Variants in VPS13B observed in about 807,000 individuals in gnomAD.
VPS13B encodes the protein vacuolar protein sorting 13 homolog B.
Under a neutral mutation model 426.4 loss-of-function variants are expected in VPS13B, and 285 were observed. That is an observed-to-expected ratio of 0.67 (90% confidence interval 0.61 to 0.74). The LOEUF is 0.74. VPS13B is among the 30% of genes least tolerant of loss of function. The probability of loss-of-function intolerance (pLI) is 0.00; values close to 1 mark genes in which losing one functional copy is unlikely to be tolerated. For missense variants in VPS13B, 4,537 were observed against 4,782.6 expected, an observed-to-expected ratio of 0.95 and a Z score of 1.51; for synonymous variants, 1,676 against 1,676.4, an observed-to-expected ratio of 1.00 and a Z score of 0.01.
In VPS13B at chr8:99,474,748, T is replaced by G. The variant is rs143228990; in HGVS notation, c.3667-6851T>G. ...ACTCATCATACACCGCTTGTGAGAA[T>G]GTAAAAATGATGTAACAACATTGGA... On this transcript the variant is annotated intron_variant, in intron 24 of 61. Coordinates refer to ENST00000357162, the MANE Select transcript of VPS13B (RefSeq NM_152564.5). 5.2e-4 allele frequency among the ~76,000 whole-genome samples: 79 copies of G among 152,270 alleles called. No homozygotes were observed. In the East Asian group the frequency reaches 0.013, roughly 25 times the overall value.
chr8:99,832,341 AT>A (rs370235149), intron 51 of VPS13B, 27 bp from the exon 52 acceptor site: 199,732 of 1,158,370 alleles, frequency 0.17, 3 homozygotes, highest in Non-Finnish European at 0.18. Flanking sequence ...TGCTCTCTGC[AT>A]TTTTTTTTTT....
At chr8:99,809,133 A>G (rs1314448143) in intron 43 of VPS13B, among the ~76,000 whole-genome samples, 1 of 152,198 alleles carries the variant, frequency 6.6e-6, no homozygotes, top group Admixed American at 6.5e-5. Flanking sequence ...ACCATTTGAT[A>G]GGAAAATTAT....
chr8:99,199,770 G>A (rs1351384382), intron 17 of VPS13B, among the ~76,000 whole-genome samples: 2 of 151,670 alleles, frequency 1.3e-5, no homozygotes, highest in Admixed American at 6.6e-5. Flanking sequence ...GAAAAATTAC[G>A]TTCTCTTACA....
intron 4 of VPS13B, among the ~76,000 whole-genome samples, chr8:99,098,431 A>G (rs944977320): frequency 9.9e-5 from 15 of 152,144 alleles, no homozygotes; most frequent in African/African-American, 3.4e-4. Flanking sequence ...ACATGTTTCC[A>G]GGCCATTCAC....
At chr8:99,192,855 T>A (rs772382500) in intron 16 of VPS13B, 21 bp from the exon 17 acceptor site, 1 of 1,611,676 alleles carries the variant, frequency 6.2e-7, no homozygotes, top group Non-Finnish European at 8.5e-7. Context: ...GTATTGCGAT[T>A]CTTTCTGTTT....
At chr8:99,233,886 C>T in intron 17 of VPS13B, 1 of 781,664 alleles carries the variant, frequency 1.3e-6, no homozygotes, top group Non-Finnish European at 2.4e-6. Context: ...GTGTGGCATG[C>T]TTCAGAAGTC....
At chr8:99,466,300 G>C (rs540571578) in intron 23 of VPS13B, among the ~76,000 whole-genome samples, 3 of 152,146 alleles carry the variant, frequency 2.0e-5, no homozygotes, top group African/African-American at 7.2e-5. Context: ...TTTATCTGCA[G>C]TATGGCATCT....
chr8:99,849,118 AACAAACTGATTT>A (rs1481272843), intron 55 of VPS13B, among the ~76,000 whole-genome samples: 2 of 152,244 alleles, frequency 1.3e-5, no homozygotes, highest in Non-Finnish European at 2.9e-5. Context: ...TGGTAGGGTT[AACAAACTGATTT>A]ACAAACTATG....
At chr8:99,635,805 T>C (rs1209079553) in intron 33 of VPS13B, among the ~76,000 whole-genome samples, 1 of 152,020 alleles carries the variant, frequency 6.6e-6, no homozygotes, top group Non-Finnish European at 1.5e-5. Flanking sequence ...ATCTAATTAA[T>C]ATAACCCAAA....
At chr8:99,858,552 G>C (rs1267328376) in intron 56 of VPS13B, among the ~76,000 whole-genome samples, 2 of 152,178 alleles carry the variant, frequency 1.3e-5, no homozygotes, top group Non-Finnish European at 2.9e-5. Context: ...AGGCGTGGTG[G>C]CATGTGCCTG....
chr8:99,203,782 C>A (rs1184341527), intron 17 of VPS13B, among the ~76,000 whole-genome samples: 1 of 152,102 alleles, frequency 6.6e-6, no homozygotes, highest in African/African-American at 2.4e-5. Flanking sequence ...GAATAAAATA[C>A]CTAGGAATCC....
Position 99,877,206 on chromosome 8 carries a change from T to C in VPS13B, c.*1540T>C, listed in dbSNP as rs148026916. ...ACATGTTGGGCATAAGAAGTCACTA[T>C]ATAATTGTTACTGGAAAGCAAGACT... On this transcript the variant is annotated 3_prime_UTR_variant, in exon 62 of 62. Transcript: ENST00000357162. 1.6e-4 allele frequency: 24 copies of C among 152,550 alleles called. No individual in the cohort carries two copies. The East Asian group carries it at 4.6e-3, about 29-fold the overall frequency. The allele number at this position is 152,550 out of a possible 1,614,324, so 9.4% of individuals were successfully genotyped here. A position where few individuals can be genotyped will look rare whatever the true frequency, so the allele number is the denominator to read the frequency against.
intron 21 of VPS13B, among the ~76,000 whole-genome samples, chr8:99,394,978 A>G (rs1814649092): frequency 6.6e-6 from 1 of 152,240 alleles, no homozygotes; most frequent in African/African-American, 2.4e-5. Context: ...TTCCTGCTGT[A>G]AACAACTAAC....
At chr8:99,020,344 G>C (rs1663615083) in intron 2 of VPS13B, among the ~76,000 whole-genome samples, 1 of 152,024 alleles carries the variant, frequency 6.6e-6, no homozygotes, top group African/African-American at 2.4e-5. Context: ...GTTTTTTGTT[G>C]TTGTTGAGTT....
chr8:99,135,106 A>T lies in VPS13B; in HGVS notation c.1394A>T (p.Asp465Val). 1 of 1,613,516 alleles carries T rather than the reference A, an allele frequency of 6.2e-7. No individual in the cohort carries two copies. The highest frequency in any genetic ancestry group is 1.1e-5 in the South Asian group (1 of 91,062). Residue 465 changes from aspartate to valine, a missense_variant, in exon 10 of 62, where the codon GAT becomes GTT. Around this residue, in one of 2 missense-constraint regions of VPS13B, gnomAD observed 4,311 missense variants for 4,474.3 expected, o/e 0.96. Coordinates refer to ENST00000357162, the MANE Select transcript of VPS13B (RefSeq NM_152564.5). ...MCLKGIMGVK[D>V]FEENMNRSET... ...CTTAAAGGAATTATGGGTGTTAAAG[A>T]TTTTGAAGAGAATATGAATAGAAGT...
At chr8:99,587,759 C>A (rs886455447) in intron 33 of VPS13B, among the ~76,000 whole-genome samples, 17 of 151,794 alleles carry the variant, frequency 1.1e-4, no homozygotes, top group Non-Finnish European at 2.2e-4. Context: ...AATTTTCTCC[C>A]ATTCTGTAGG....
intron 21 of VPS13B, among the ~76,000 whole-genome samples, chr8:99,410,537 T>TA (rs1269027509): frequency 1.6e-5 from 2 of 128,546 alleles, no homozygotes; most frequent in Non-Finnish European, 3.4e-5. Flanking sequence ...TTACCAGAAT[T>TA]ATTTATTTAT....
At chr8:99,536,077 G>A (rs1823201620) in intron 30 of VPS13B, among the ~76,000 whole-genome samples, 1 of 151,432 alleles carries the variant, frequency 6.6e-6, no homozygotes, top group Non-Finnish European at 1.5e-5. Flanking sequence ...AGACTCCCAT[G>A]TAGCTGGGAT....
At chr8:99,123,027 A>G (rs1848022047) in intron 8 of VPS13B, among the ~76,000 whole-genome samples, 1 of 149,306 alleles carries the variant, frequency 6.7e-6, no homozygotes, top group Non-Finnish European at 1.5e-5. Flanking sequence ...AGGCTAAGGC[A>G]GGAGAATTGC....
Sources: gnomAD v4.1 joint callset for allele counts (sites outside exome capture counted in the v4.1 genomes callset) on GRCh38, gnomAD v4.1.1 for gene constraint, gnomAD v4.1.1 regional missense constraint, MANE v1.5 for transcripts, NCBI Gene and HGNC (gene_info 2026-07-23, HGNC 2026-07-21) for gene names.